Variants in TLN2 observed in about 807,000 individuals in gnomAD.
The protein encoded by TLN2 is talin 2.
Under a neutral mutation model 294.7 loss-of-function variants are expected in TLN2, and 118 were observed. The ratio of observed to expected loss-of-function variants is 0.40; its 90% CI spans 0.34 to 0.47. TLN2 has a LOEUF of 0.47. Among genes scored for constraint, TLN2 ranks in the 20% least tolerant of loss-of-function variants. The pLI, the probability that TLN2 is intolerant of heterozygous loss-of-function variation, is 0.84. For missense variants in TLN2, 3,083 were observed against 3,282.2 expected (o/e 0.94, Z 1.48); for synonymous variants, 1,431 against 1,304.5 (o/e 1.10, Z -2.09).
intron 1 of TLN2, among the ~76,000 whole-genome samples, chr15:62,417,628 C>T (rs1334723799): frequency 6.6e-6 from 1 of 152,118 alleles, no homozygotes; most frequent in Non-Finnish European, 1.5e-5. Context: ...CATCTGAGTT[C>T]AGGAAGAACT....
chr15:62,464,944 G>A (rs1595868768), intron 1 of TLN2, among the ~76,000 whole-genome samples: 1 of 152,088 alleles, frequency 6.6e-6, no homozygotes, highest in Non-Finnish European at 1.5e-5. Flanking sequence ...ACTTTGCCCC[G>A]GGATGTTAAC....
chr15:62,798,012 G>A (rs910942145), intron 48 of TLN2, among the ~76,000 whole-genome samples: 7 of 152,198 alleles, frequency 4.6e-5, no homozygotes, highest in African/African-American at 1.2e-4. Context: ...GAGGAAAGCC[G>A]CGGGCATCAT....
intron 1 of TLN2, chr15:62,476,340 G>C (rs1336260138): frequency 6.6e-6 from 1 of 152,316 alleles, no homozygotes; most frequent in Non-Finnish European, 1.5e-5. Context: ...CTGCTGCAGG[G>C]TGACATCTGG....
chr15:62,561,783 C>T (rs2042981747), intron 1 of TLN2, among the ~76,000 whole-genome samples: 1 of 152,148 alleles, frequency 6.6e-6, no homozygotes, highest in South Asian at 2.1e-4. Context: ...TGGGCCCAGC[C>T]AGTTGAGCCA....
At chr15:62,549,579 A>G (rs771548704) in intron 1 of TLN2, among the ~76,000 whole-genome samples, 1 of 152,184 alleles carries the variant, frequency 6.6e-6, no homozygotes, top group Non-Finnish European at 1.5e-5. Context: ...AAATCTAGGT[A>G]TGGCACATGG....
intron 1 of TLN2, among the ~76,000 whole-genome samples, chr15:62,506,071 A>G (rs539122729): frequency 2.0e-5 from 3 of 152,312 alleles, no homozygotes; most frequent in Admixed American, 6.5e-5. Flanking sequence ...ACTCATAAAG[A>G]TCTGGCCCGA....
Position 62,736,948 on chromosome 15 carries a change from G to A in TLN2, c.3429G>A (p.Ser1143=), listed in dbSNP as rs751572891. 5.6e-6 allele frequency: 9 copies of A among 1,614,134 alleles called. No homozygotes were observed. The highest frequency in any genetic ancestry group is 7.6e-6 in the Non-Finnish European group (9 of 1,180,046). ...LAQAARGVAA[S]TTDPAAAHAM... ...AGGCCGCCCGTGGAGTGGCTGCATC[G>A]ACAACCGACCCCGCGGCCGCCCATG... Residue 1143 remains serine, a synonymous_variant, in exon 29 of 59, where the codon TCG becomes TCA. Coordinates refer to ENST00000636159, the MANE Select transcript of TLN2 (RefSeq NM_015059.3).
intron 1 of TLN2, among the ~76,000 whole-genome samples, chr15:62,536,849 C>A (rs2041382239): frequency 6.6e-6 from 1 of 152,176 alleles, no homozygotes; most frequent in Non-Finnish European, 1.5e-5. Flanking sequence ...TGATATGTGT[C>A]ATTATCAAGT....
intron 34 of TLN2, 27 bp from the exon 35 acceptor site, chr15:62,752,278 G>C (rs77392958): frequency 8.7e-6 from 14 of 1,613,256 alleles, no homozygotes; most frequent in African/African-American, 1.3e-5. Flanking sequence ...GCTGGATAGA[G>C]AATGTTGCTG....
intron 4 of TLN2, among the ~76,000 whole-genome samples, chr15:62,647,781 T>C (rs2052066281): frequency 6.6e-6 from 1 of 152,218 alleles, no homozygotes; most frequent in Non-Finnish European, 1.5e-5. Flanking sequence ...ATTGGCGGTA[T>C]GTGTCCTAAA....
intron 1 of TLN2, among the ~76,000 whole-genome samples, chr15:62,400,812 GTTTTTT>G (rs11369905): frequency 8.4e-6 from 1 of 119,470 alleles, no homozygotes; most frequent in Non-Finnish European, 1.7e-5. Context: ...TATGTTTCCG[GTTTTTT>G]TTTTTTTTTT....
At chr15:62,780,514 C>G (rs1364857210) in intron 43 of TLN2, among the ~76,000 whole-genome samples, 3 of 152,188 alleles carry the variant, frequency 2.0e-5, no homozygotes, top group African/African-American at 7.2e-5. Flanking sequence ...CAATATGTCC[C>G]CAAGCCTTCA....
intron 1 of TLN2, among the ~76,000 whole-genome samples, chr15:62,391,287 C>T (rs1469960051): frequency 6.6e-6 from 1 of 152,380 alleles, no homozygotes; most frequent in East Asian, 1.9e-4. Flanking sequence ...CCCACGACTG[C>T]CCTTTACTTG....
At chr15:62,647,135 T>C (rs1033730691) in intron 3 of TLN2, 140 bp from the exon 4 acceptor site, 1 of 821,300 alleles carries the variant, frequency 1.2e-6, no homozygotes. Context: ...GTTTTGTACC[T>C]AAAGTGTACT....
At chr15:62,539,393 C>T (rs1264337120) in intron 1 of TLN2, among the ~76,000 whole-genome samples, 1 of 152,108 alleles carries the variant, frequency 6.6e-6, no homozygotes, top group Non-Finnish European at 1.5e-5. Context: ...CTCAACAAAT[C>T]TGTCACCTAG....
intron 1 of TLN2, among the ~76,000 whole-genome samples, chr15:62,579,697 A>G (rs1441859572): frequency 6.6e-6 from 1 of 152,154 alleles, no homozygotes; most frequent in Non-Finnish European, 1.5e-5. Context: ...GACCCGAGAT[A>G]CTTCATTACA....
intron 2 of TLN2, among the ~76,000 whole-genome samples, chr15:62,614,153 A>G (rs1462956579): frequency 6.6e-6 from 1 of 152,212 alleles, no homozygotes; most frequent in East Asian, 1.9e-4. Flanking sequence ...GCTTTTAAAA[A>G]ATCAGGCTTA....
chr15:62,473,823 G>A (rs1214224040), intron 1 of TLN2, among the ~76,000 whole-genome samples: 1 of 152,238 alleles, frequency 6.6e-6, no homozygotes, highest in East Asian at 1.9e-4. Context: ...GCCGGGCATG[G>A]TGGCTCACGC....
intron 3 of TLN2, among the ~76,000 whole-genome samples, chr15:62,627,100 T>C (rs1410477843): frequency 6.6e-6 from 1 of 152,258 alleles, no homozygotes; most frequent in Non-Finnish European, 1.5e-5. Context: ...TTTTGCTTGC[T>C]TGTGCTGGCC....
Sources: allele counts gnomAD v4.1 joint callset (sites outside exome capture counted in the v4.1 genomes callset), GRCh38; gene constraint gnomAD v4.1.1; transcripts MANE v1.5; gene names NCBI Gene and HGNC (gene_info 2026-07-23, HGNC 2026-07-21).